CCDC9: variants seen among roughly 807,000 people sequenced by gnomAD.
The protein encoded by CCDC9 is coiled-coil domain-containing protein 9.
Under a neutral mutation model 65.6 loss-of-function variants are expected in CCDC9, and 52 were observed. The ratio of observed to expected loss-of-function variants is 0.79; its 90% CI spans 0.63 to 1.00. The LOEUF (loss-of-function observed/expected upper bound fraction) is 1.00, where lower values mean the gene tolerates loss of function less well. Among genes scored for constraint, CCDC9 ranks in the 50% least tolerant of loss-of-function variants. The pLI, the probability that CCDC9 is intolerant of heterozygous loss-of-function variation, is 0.00. For missense variants in CCDC9, 834 were observed against 757.2 expected, an observed-to-expected ratio of 1.10 and a Z score of -1.19; for synonymous variants, 332 against 280.3, an observed-to-expected ratio of 1.18 and a Z score of -1.84.
intron 1 of CCDC9, 128 bp from the exon 2 acceptor site, chr19:47,258,202 G>A (rs1169477095): frequency 1.8e-5 from 11 of 612,440 alleles, no homozygotes; most frequent in South Asian, 1.4e-4. Flanking sequence ...AGGAGGGAGA[G>A]TGAGGGCTAC....
chr19:47,260,563 A>T, intron 4 of CCDC9, 25 bp from the exon 5 acceptor site: 1 of 1,541,270 alleles, frequency 6.5e-7, no homozygotes, highest in South Asian at 1.2e-5. Flanking sequence ...CAGTGACTGT[A>T]TTTTCCCCAT....
chr19:47,273,129 G>A (rs112913476), downstream of CCDC9, among the ~76,000 whole-genome samples: 355 of 152,214 alleles, frequency 2.3e-3, 1 homozygote, highest in African/African-American at 8.4e-3. Context: ...GCCAGATCTC[G>A]CCACACCCGC....
At chr19:47,272,762 C>T (rs2059131651), downstream of CCDC9, among the ~76,000 whole-genome samples, 1 of 152,126 alleles carries the variant, frequency 6.6e-6, no homozygotes, top group African/African-American at 2.4e-5. Flanking sequence ...TTCCGAGGTG[C>T]AACCTAGTGG....
At chr19:47,271,045 TCCAC>T (rs1245424757) in intron 10 of CCDC9, 33 bp from the exon 11 acceptor site, 1 of 1,450,892 alleles carries the variant, frequency 6.9e-7, no homozygotes, top group Non-Finnish European at 9.3e-7. Flanking sequence ...CTGTCTACTC[TCCAC>T]CCAGGCATCA....
intron 3 of CCDC9, among the ~76,000 whole-genome samples, chr19:47,259,939 T>A (rs566165674): frequency 2.0e-5 from 3 of 151,990 alleles, no homozygotes; most frequent in Non-Finnish European, 4.4e-5. Flanking sequence ...GGTTGGAGGG[T>A]CTCTGGGAAA....
At position 47,265,084 on chromosome 19, in the gene CCDC9, T is replaced by G. The variant is rs1385708779; in HGVS notation, c.720+138T>G. The G allele has an allele frequency of 2.5e-5, 17 of 672,482 alleles. No individual in the cohort carries two copies. The South Asian group carries it at 5.6e-4, about 22-fold the overall frequency. 41.7% of individuals were successfully genotyped at this position (672,482 alleles called of 1,614,324 possible). A position where few individuals can be genotyped will look rare whatever the true frequency, so the allele number is the denominator to read the frequency against. ...CAGGACTTTTTTTTTTTGAGACGGATTCTCGCTCTGTCACCCATTCTGGAG... is the reference window on the plus strand; with the variant it reads ...CAGGACTTTTTTTTTTTGAGACGGAGTCTCGCTCTGTCACCCATTCTGGAG... On this transcript the variant is annotated intron_variant, in intron 7 of 11. Transcript: ENST00000221922.
intron 5 of CCDC9, 32 bp from the exon 6 acceptor site, chr19:47,264,571 G>A (rs969773116): frequency 6.4e-7 from 1 of 1,557,284 alleles, no homozygotes; most frequent in Non-Finnish European, 8.7e-7. Context: ...AGTTCTCCCT[G>A]AAGCTGGGTG....
chr19:47,266,220 C>T lies in CCDC9; in HGVS notation c.721-391C>T, dbSNP rs185684096. The T allele has an allele frequency of 4.5e-4, 79 of 177,340 alleles. 1 individual carries two copies. The highest frequency in any genetic ancestry group is 1.4e-3 in the Admixed American group (24 of 16,998). 11.0% of individuals were successfully genotyped at this position (177,340 alleles called of 1,614,324 possible). A position where few individuals can be genotyped will look rare whatever the true frequency, so the allele number is the denominator to read the frequency against. ...CCATATTAGCCAGGATGGTCTCCAT[C>T]TCCTGACCTCATGATCCGCCTACCT... is the stretch of plus-strand genomic sequence containing the variant. On this transcript the variant is annotated intron_variant, in intron 7 of 11. Transcript: ENST00000221922.
chr19:47,268,115 G>C (rs551560525), intron 8 of CCDC9, among the ~76,000 whole-genome samples: 1 of 152,052 alleles, frequency 6.6e-6, no homozygotes, highest in Non-Finnish European at 1.5e-5. Context: ...CCAAAGTGCT[G>C]AGATTACAGG....
chr19:47,268,039 G>C (rs1181128430), intron 8 of CCDC9, among the ~76,000 whole-genome samples: 1 of 151,990 alleles, frequency 6.6e-6, no homozygotes, highest in Non-Finnish European at 1.5e-5. Flanking sequence ...AGTAGAGGTG[G>C]GGTTTCACCA....
rs769952396 is a variant in CCDC9 at position 47,271,724 on chromosome 19, TGTGTGTGTGCGCGCGCGC to T, written c.*48_*65del. ...GTGTGTGTGTGTGTGTGTGTGTGTG[TGTGTGTGTGCGCGCGCGC>T]GCGCGCGCGCGCGCGCGCTAGAGGG... On this transcript the variant is annotated 3_prime_UTR_variant, in exon 12 of 12. Transcript: ENST00000221922. The T allele has an allele frequency of 7.9e-3, 9,953 of 1,260,914 alleles. 5 individuals are homozygous for T. Among genetic ancestry groups the T allele is most frequent in the South Asian group, 0.014 (913 of 63,832 alleles). The allele number at this position is 1,260,914 out of a possible 1,614,324, so 78.1% of individuals were successfully genotyped here. A position where few individuals can be genotyped will look rare whatever the true frequency, so the allele number is the denominator to read the frequency against.
intron 9 of CCDC9, 33 bp downstream of exon 9, chr19:47,270,486 G>T (rs771874321): frequency 1.2e-6 from 2 of 1,614,154 alleles, no homozygotes. Flanking sequence ...GCTGAGGCTC[G>T]GTCTGGGAGT....
chr19:47,273,567 A>AG (rs1186062144), downstream of CCDC9: 9 of 424,878 alleles, frequency 2.1e-5, no homozygotes, highest in African/African-American at 1.2e-4. Flanking sequence ...GTTAAATCTA[A>AG]GGGGGGAGGA....
intron 7 of CCDC9, 74 bp downstream of exon 7, chr19:47,265,020 A>G (rs1454003263): frequency 1.6e-6 from 2 of 1,254,676 alleles, no homozygotes; most frequent in South Asian, 2.4e-5. Flanking sequence ...AACCAGACAG[A>G]TCAGGGCCAT....
At chr19:47,260,147 G>A (rs147994158) in intron 3 of CCDC9, among the ~76,000 whole-genome samples, 174 bp from the exon 4 acceptor site, 5 of 152,284 alleles carry the variant, frequency 3.3e-5, no homozygotes, top group African/African-American at 9.6e-5. Context: ...CCACAGGAAC[G>A]TTCTGAGTGG....
At chr19:47,275,276 C>T (rs571808696), downstream of CCDC9, 20 of 1,545,698 alleles carry the variant, frequency 1.3e-5, no homozygotes, top group African/African-American at 2.5e-4. Flanking sequence ...GCTACAGCGA[C>T]CCTGACCGCC....
intron 3 of CCDC9, among the ~76,000 whole-genome samples, chr19:47,259,986 C>T (rs1020088944): frequency 6.6e-6 from 1 of 152,132 alleles, no homozygotes; most frequent in Admixed American, 6.6e-5. Flanking sequence ...GCGCAAAGCC[C>T]CTGAGGCAGG....
intron 8 of CCDC9, among the ~76,000 whole-genome samples, chr19:47,268,351 T>C (rs1364091006): frequency 6.6e-6 from 1 of 152,164 alleles, no homozygotes; most frequent in Non-Finnish European, 1.5e-5. Flanking sequence ...CCCCATTCTT[T>C]CCTGTGTTGA....
In CCDC9 at chr19:47,271,313, G is replaced by T. The variant is rs756329425; in HGVS notation, c.1231G>T (p.Asp411Tyr). ...AGCTCCTGCCCACCGGCCTCCTGAA[G>T]ACGAGGGGGAAGAGAATGAGGGGGA... ...IPAPAHRPPE[D>Y]EGEENEGEED... Residue 411 changes from aspartate to tyrosine, a missense_variant, in exon 12 of 12, where the codon GAC becomes TAC. Transcript: ENST00000221922. The T allele has an allele frequency of 1.9e-6, 3 of 1,612,470 alleles. No individual in the cohort carries two copies. The highest frequency in any genetic ancestry group is 2.5e-6 in the Non-Finnish European group (3 of 1,179,352).
Sources: allele counts gnomAD v4.1 joint callset (sites outside exome capture counted in the v4.1 genomes callset), GRCh38; gene constraint gnomAD v4.1.1; transcripts MANE v1.5; gene names NCBI Gene and HGNC (gene_info 2026-07-23, HGNC 2026-07-21).